EBF1: variants seen among roughly 807,000 people sequenced by gnomAD.
EBF1 encodes EBF transcription factor 1, also known as transcription factor COE1.
EBF1 carries 10 observed loss-of-function variants against 68.4 expected under a neutral mutation model. The observed-to-expected ratio is 0.15, with a 90% CI of 0.09 to 0.25. The LOEUF (loss-of-function observed/expected upper bound fraction) is 0.25, where lower values mean the gene tolerates loss of function less well. EBF1 is among the 10% of genes least tolerant of loss of function. EBF1 has a pLI of 1.00. For missense variants in EBF1, 509 were observed against 794.4 expected, an observed-to-expected ratio of 0.64 and a Z score of 4.32; for synonymous variants, 298 against 299.8, an observed-to-expected ratio of 0.99 and a Z score of 0.06.
chr5:158,958,064 C>T (rs1460969673), intron 6 of EBF1, among the ~76,000 whole-genome samples: 2 of 152,142 alleles, frequency 1.3e-5, no homozygotes, highest in African/African-American at 4.8e-5. Flanking sequence ...GTCAGCTGCC[C>T]CTCCCCCTTG....
chr5:158,885,222 A>C (rs1234398437), intron 6 of EBF1, among the ~76,000 whole-genome samples: 1 of 152,224 alleles, frequency 6.6e-6, no homozygotes, highest in East Asian at 1.9e-4. Flanking sequence ...AAGACATGGA[A>C]AAGTTTCAGC....
At chr5:158,821,016 T>C (rs1314605511) in intron 8 of EBF1, among the ~76,000 whole-genome samples, 1 of 152,166 alleles carries the variant, frequency 6.6e-6, no homozygotes, top group Non-Finnish European at 1.5e-5. Flanking sequence ...CTGGCCCCAC[T>C]TGGGCTCTCA....
At chr5:158,877,698 A>T (rs141162011) in intron 6 of EBF1, among the ~76,000 whole-genome samples, 2 of 111,476 alleles carry the variant, frequency 1.8e-5, no homozygotes. Context: ...AATACTACAA[A>T]CGCACACACA....
chr5:158,947,392 A>G (rs1814994346), intron 6 of EBF1, among the ~76,000 whole-genome samples: 1 of 152,212 alleles, frequency 6.6e-6, no homozygotes, highest in South Asian at 2.1e-4. Context: ...TCTGGGCCAG[A>G]TAGCACCATC....
chr5:158,864,649 C>T (rs1270506642), intron 6 of EBF1, among the ~76,000 whole-genome samples: 2 of 152,020 alleles, frequency 1.3e-5, no homozygotes, highest in African/African-American at 4.8e-5. Flanking sequence ...TGTCAGTTAC[C>T]GACTCCAGCT....
At chr5:158,734,987 A>C (rs1764873011) in intron 10 of EBF1, among the ~76,000 whole-genome samples, 1 of 152,168 alleles carries the variant, frequency 6.6e-6, no homozygotes, top group Admixed American at 6.5e-5. Context: ...CATGAGAATA[A>C]AATGGGGCCA....
At position 158,782,756 on chromosome 5, in the gene EBF1, C is replaced by T. The variant is rs376687989; in HGVS notation, c.910-5217G>A. On this transcript the variant is annotated intron_variant, in intron 9 of 15. Transcript: ENST00000313708. ...AAAATATTTCTGGAATAAATATTTA[C>T]ATAAATTAGGCCAGAATTCTACTAA... Among the ~76,000 whole-genome samples, 25 of 152,200 alleles carry T rather than the reference C, an allele frequency of 1.6e-4. No homozygotes were observed. The East Asian group carries it at 2.3e-3, about 14-fold the overall frequency.
At chr5:158,800,676 A>G (rs1780421142) in intron 8 of EBF1, among the ~76,000 whole-genome samples, 1 of 152,192 alleles carries the variant, frequency 6.6e-6, no homozygotes, top group Non-Finnish European at 1.5e-5. Context: ...GAAAGCTCAG[A>G]CAACATGCAA....
intron 6 of EBF1, among the ~76,000 whole-genome samples, chr5:159,067,823 C>T (rs1777107398): frequency 6.6e-6 from 1 of 152,122 alleles, no homozygotes; most frequent in South Asian, 2.1e-4. Context: ...AATTCATGCT[C>T]AGTGTCAATG....
At chr5:158,909,529 C>T (rs1040816971) in intron 6 of EBF1, among the ~76,000 whole-genome samples, 11 of 152,130 alleles carry the variant, frequency 7.2e-5, no homozygotes, top group African/African-American at 2.7e-4. Flanking sequence ...CTCATGCTGC[C>T]AGGCATGACT....
intron 6 of EBF1, among the ~76,000 whole-genome samples, chr5:158,975,358 G>T (rs1756523853): frequency 6.6e-6 from 1 of 152,166 alleles, no homozygotes; most frequent in Admixed American, 6.6e-5. Flanking sequence ...GAAAACAAAA[G>T]ACTTTCTGGT....
intron 10 of EBF1, among the ~76,000 whole-genome samples, chr5:158,753,477 C>A (rs1286247591): frequency 6.6e-6 from 1 of 152,070 alleles, no homozygotes; most frequent in Non-Finnish European, 1.5e-5. Flanking sequence ...GACCAACATG[C>A]TTTCTTGATT....
intron 10 of EBF1, among the ~76,000 whole-genome samples, chr5:158,773,796 C>T (rs912188611): frequency 1.3e-5 from 2 of 151,992 alleles, no homozygotes; most frequent in African/African-American, 2.4e-5. Context: ...GGAGAGATCA[C>T]GATTCGAAAA....
intron 6 of EBF1, among the ~76,000 whole-genome samples, chr5:158,935,447 A>G (rs569840286): frequency 1.3e-5 from 2 of 152,238 alleles, no homozygotes; most frequent in Non-Finnish European, 2.9e-5. Context: ...GATTAGCATA[A>G]GTGAACTGGG....
intron 8 of EBF1, among the ~76,000 whole-genome samples, chr5:158,821,437 C>T (rs1176834760): frequency 6.6e-6 from 1 of 152,174 alleles, no homozygotes; most frequent in Non-Finnish European, 1.5e-5. Context: ...TTCTCACTGG[C>T]TTCCCAAGAG....
At chr5:158,900,871 C>T (rs957090892) in intron 6 of EBF1, among the ~76,000 whole-genome samples, 5 of 151,332 alleles carry the variant, frequency 3.3e-5, no homozygotes, top group African/African-American at 1.2e-4. Flanking sequence ...AGACTTGAAA[C>T]GTGGTCTCTC....
intron 6 of EBF1, among the ~76,000 whole-genome samples, chr5:159,021,580 G>A (rs925346762): frequency 3.9e-5 from 6 of 152,218 alleles, no homozygotes; most frequent in Non-Finnish European, 8.8e-5. Flanking sequence ...GCACACGTGC[G>A]TGTGTATATA....
chr5:158,710,405 C>T (rs145340169), intron 14 of EBF1, among the ~76,000 whole-genome samples: 75 of 152,206 alleles, frequency 4.9e-4, no homozygotes, highest in African/African-American at 1.7e-3. Flanking sequence ...ATTAAGAATG[C>T]CATCTTTTAA....
intron 10 of EBF1, among the ~76,000 whole-genome samples, chr5:158,740,949 G>A (rs1025832566): frequency 2.0e-5 from 3 of 152,274 alleles, no homozygotes; most frequent in Middle Eastern, 3.4e-3. Flanking sequence ...TAAGCCAAAA[G>A]CAATGCCCAA....
Sources: gnomAD v4.1 joint callset for allele counts (sites outside exome capture counted in the v4.1 genomes callset) on GRCh38, gnomAD v4.1.1 for gene constraint, MANE v1.5 for transcripts, NCBI Gene and HGNC (gene_info 2026-07-23, HGNC 2026-07-21) for gene names.